The following CDH12 variants were observed in gnomAD, a reference collection of about 807,000 sequenced individuals.
CDH12 encodes the protein cadherin 12.
In CDH12, 41 loss-of-function variants were observed where a neutral mutation model predicts 74.1. That is an observed-to-expected ratio of 0.55 (90% CI 0.43 to 0.72). The LOEUF (loss-of-function observed/expected upper bound fraction) is 0.72. Among genes scored for constraint, CDH12 ranks in the 30% least tolerant of loss-of-function variants. The pLI is 0.00. For synonymous variants in CDH12, 399 were observed against 355.0 expected (o/e 1.12, Z -1.39); for missense variants, 945 against 977.2 (o/e 0.97, Z 0.44).
chr5:21,812,758 T>C (rs899335010), intron 9 of CDH12, among the ~76,000 whole-genome samples: 1 of 152,144 alleles, frequency 6.6e-6, no homozygotes, highest in Non-Finnish European at 1.5e-5. Context: ...AGTTTTTAAG[T>C]TTCATTACAA....
At chr5:22,557,562 A>T (rs1410532527) in intron 1 of CDH12, among the ~76,000 whole-genome samples, 2 of 152,124 alleles carry the variant, frequency 1.3e-5, no homozygotes, top group Non-Finnish European at 2.9e-5. Flanking sequence ...ATACGAACGT[A>T]ATATATAAAA....
intron 4 of CDH12, among the ~76,000 whole-genome samples, chr5:22,174,903 G>C (rs1469693933): frequency 2.0e-5 from 3 of 151,984 alleles, no homozygotes; most frequent in African/African-American, 2.4e-5. Context: ...AAATTTTGCT[G>C]TGCCAGGAAT....
At chr5:22,244,661 GGAAA>G (rs1308046490) in intron 3 of CDH12, among the ~76,000 whole-genome samples, 16 of 142,486 alleles carry the variant, frequency 1.1e-4, no homozygotes, top group South Asian at 6.7e-4. Context: ...GAAAGAGAGA[GGAAA>G]GAAAGAAAGA....
chr5:21,876,374 T>C lies in CDH12; in HGVS notation c.527-21584A>G, dbSNP rs1161372378. On this transcript the variant is annotated intron_variant, in intron 6 of 14. Transcript: ENST00000382254. ...CCCTGATTTTGTCTCTCACTCTACA[T>C]GCCTAACTCTACAATCTTGTTCATA... Among the ~76,000 whole-genome samples the C allele has an allele frequency of 2.0e-5, 3 of 152,220 alleles. No individual in the cohort carries two copies. The East Asian group carries it at 5.8e-4, about 29-fold the overall frequency.
intron 3 of CDH12, among the ~76,000 whole-genome samples, chr5:22,245,489 C>T (rs959771192): frequency 5.9e-5 from 9 of 151,568 alleles, no homozygotes; most frequent in African/African-American, 1.5e-4. Context: ...TGATAGTAAG[C>T]GATAGATGCT....
At chr5:22,769,479 C>A (rs1392921258) in intron 1 of CDH12, among the ~76,000 whole-genome samples, 1 of 152,118 alleles carries the variant, frequency 6.6e-6, no homozygotes, top group Non-Finnish European at 1.5e-5. Context: ...CTGTTGGCTT[C>A]CCTACTTTTG....
At chr5:22,613,327 A>G (rs1737508297) in intron 1 of CDH12, among the ~76,000 whole-genome samples, 1 of 152,138 alleles carries the variant, frequency 6.6e-6, no homozygotes, top group Admixed American at 6.6e-5. Context: ...ACAAATATAG[A>G]TATTGACTTT....
intron 4 of CDH12, among the ~76,000 whole-genome samples, chr5:22,080,092 A>G (rs1742619684): frequency 1.3e-5 from 2 of 152,176 alleles, no homozygotes; most frequent in Non-Finnish European, 2.9e-5. Flanking sequence ...CTTCGAGCCT[A>G]TAAGGTTTCT....
chr5:22,311,496 G>A (rs1024739758), intron 3 of CDH12, among the ~76,000 whole-genome samples: 16 of 152,134 alleles, frequency 1.1e-4, no homozygotes, highest in Middle Eastern at 3.4e-3. Flanking sequence ...GAGGTGAGGA[G>A]TTAGAGACCA....
At chr5:22,539,488 T>C (rs1475847775) in intron 1 of CDH12, among the ~76,000 whole-genome samples, 1 of 152,220 alleles carries the variant, frequency 6.6e-6, no homozygotes, top group Non-Finnish European at 1.5e-5. Context: ...GTAGATGTTC[T>C]TGAGAAAGGC....
At chr5:22,382,132 A>G (rs1293184269) in intron 3 of CDH12, among the ~76,000 whole-genome samples, 2 of 145,062 alleles carry the variant, frequency 1.4e-5, no homozygotes, top group South Asian at 2.1e-4. Flanking sequence ...CATATATTAT[A>G]AACATGTTTA....
At chr5:22,793,763 T>A (rs1424060747) in intron 1 of CDH12, among the ~76,000 whole-genome samples, 2 of 152,046 alleles carry the variant, frequency 1.3e-5, no homozygotes, top group African/African-American at 4.8e-5. Context: ...GTTTTTTTTT[T>A]TTCAATCCCA....
At chr5:21,944,133 C>G (rs1436051704) in intron 6 of CDH12, among the ~76,000 whole-genome samples, 2 of 152,124 alleles carry the variant, frequency 1.3e-5, no homozygotes, top group African/African-American at 4.8e-5. Context: ...GAAAACTGAG[C>G]CGCAGTGCTT....
chr5:22,481,841 G>C (rs1283582917), intron 2 of CDH12, among the ~76,000 whole-genome samples: 1 of 151,980 alleles, frequency 6.6e-6, no homozygotes, highest in Non-Finnish European at 1.5e-5. Context: ...TAAAAAACTT[G>C]TTAAGAGGGT....
At chr5:21,991,124 G>A (rs999679343) in intron 5 of CDH12, among the ~76,000 whole-genome samples, 5 of 151,462 alleles carry the variant, frequency 3.3e-5, no homozygotes, top group African/African-American at 1.2e-4. Context: ...AAATACTTTC[G>A]ACTGCCCATT....
chr5:22,328,631 T>C (rs1262963703), intron 3 of CDH12, among the ~76,000 whole-genome samples: 1 of 152,190 alleles, frequency 6.6e-6, no homozygotes, highest in Non-Finnish European at 1.5e-5. Flanking sequence ...GAGAGCCATT[T>C]GTGCCATAAA....
intron 10 of CDH12, among the ~76,000 whole-genome samples, chr5:21,792,647 G>A (rs1299167179): frequency 5.0e-5 from 7 of 139,484 alleles, no homozygotes; most frequent in Admixed American, 1.5e-4. Flanking sequence ...GGTTTCTTAC[G>A]GAACTGGAAG....
At chr5:22,650,644 G>C (rs1739687553) in intron 1 of CDH12, among the ~76,000 whole-genome samples, 1 of 152,074 alleles carries the variant, frequency 6.6e-6, no homozygotes, top group Admixed American at 6.6e-5. Flanking sequence ...TACCACGGTG[G>C]TTTGAGCCTG....
chr5:22,324,732 C>T (rs1409241192), intron 3 of CDH12, among the ~76,000 whole-genome samples: 2 of 151,876 alleles, frequency 1.3e-5, no homozygotes, highest in Non-Finnish European at 2.9e-5. Context: ...AGAATTTATA[C>T]CTGATCACAA....
Sources: allele counts gnomAD v4.1 joint callset (sites outside exome capture counted in the v4.1 genomes callset), GRCh38; gene constraint gnomAD v4.1.1; transcripts MANE v1.5; gene names NCBI Gene and HGNC (gene_info 2026-07-23, HGNC 2026-07-21).